Variants in DIPK2A observed in about 807,000 individuals in gnomAD.
DIPK2A encodes divergent protein kinase domain 2A.
In DIPK2A, 27 loss-of-function variants were observed where a neutral mutation model predicts 39.0. The observed-to-expected ratio is 0.69, with a 90% CI of 0.51 to 0.96. The LOEUF (loss-of-function observed/expected upper bound fraction) is 0.96, where lower values mean the gene tolerates loss of function less well. DIPK2A is among the 40% of genes least tolerant of loss of function. The pLI, the probability that DIPK2A is intolerant of heterozygous loss-of-function variation, is 0.00. For synonymous variants in DIPK2A, 298 were observed against 240.8 expected (o/e 1.24, Z -2.20); for missense variants, 528 against 571.3 (o/e 0.92, Z 0.77).
Position 143,991,322 on chromosome 3 carries a change from A to C in DIPK2A, c.*1481A>C, listed in dbSNP as rs530651142. ...TTCAGCAACTATTTATTAAGCATCA[A>C]CTCTGTGCCAGGCACGTTACTAGCT... On this transcript the variant is annotated 3_prime_UTR_variant, in exon 3 of 3. Transcript: ENST00000315691. The C allele has an allele frequency of 6.6e-6, 1 of 152,656 alleles. No individual in the cohort carries two copies. The highest frequency in any genetic ancestry group is 2.1e-4 in the South Asian group (1 of 4,822). The allele number at this position is 152,656 out of a possible 1,614,324, so 9.5% of individuals were successfully genotyped here.
In DIPK2A at chr3:143,989,957, C is replaced by CT; in HGVS notation, c.*118dup. The CT allele has an allele frequency of 1.4e-6, 1 of 721,318 alleles. No homozygotes were observed. Among genetic ancestry groups the CT allele is most frequent in the Non-Finnish European group, 2.3e-6 (1 of 437,918 alleles). 44.7% of individuals were successfully genotyped at this position (721,318 alleles called of 1,614,324 possible). A position where few individuals can be genotyped will look rare whatever the true frequency, so the allele number is the denominator to read the frequency against. On this transcript the variant is annotated 3_prime_UTR_variant, in exon 3 of 3. Coordinates refer to ENST00000315691, the MANE Select transcript of DIPK2A (RefSeq NM_173552.5). ...AGTGTTACATTCAGAGGATGATAAA[C>CT]TTGCACTGATAGATCTTAATGTTAA...
At position 143,992,173 on chromosome 3, in the gene DIPK2A, C is replaced by A. The variant is rs2087996958; in HGVS notation, c.*2332C>A. 6.6e-6 allele frequency: 1 copy of A among 152,590 alleles called. No homozygotes were observed. The highest frequency in any genetic ancestry group is 1.9e-4 in the East Asian group (1 of 5,200). The allele number at this position is 152,590 out of a possible 1,614,324, so 9.5% of individuals were successfully genotyped here. On this transcript the variant is annotated 3_prime_UTR_variant, in exon 3 of 3. Transcript: ENST00000315691. ...TATGGCAGCAATTTATATTTTTAAT[C>A]ATTGCCCATTAATAGACGCAGTAAA...
At chr3:143,973,050 G>C (rs1345182466) in intron 1 of DIPK2A, 61 bp downstream of exon 1, 15 of 1,512,656 alleles carry the variant, frequency 9.9e-6, no homozygotes, top group Non-Finnish European at 1.3e-5. Context: ...AATCAGAGTC[G>C]GGAGAAGTGG....
chr3:143,976,715 T>C (rs2087735606), intron 1 of DIPK2A, among the ~76,000 whole-genome samples: 1 of 152,068 alleles, frequency 6.6e-6, no homozygotes, highest in Non-Finnish European at 1.5e-5. Flanking sequence ...GGAATGTTAC[T>C]ATTTGTGGAA....
intron 2 of DIPK2A, among the ~76,000 whole-genome samples, chr3:143,987,987 C>T (rs950652008): frequency 1.3e-5 from 2 of 152,298 alleles, no homozygotes; most frequent in African/African-American, 4.8e-5. Context: ...CATTAACTTA[C>T]TACTCCTTTG....
At chr3:143,982,912 A>C (rs889876232) in intron 1 of DIPK2A, among the ~76,000 whole-genome samples, 6 of 152,076 alleles carry the variant, frequency 3.9e-5, no homozygotes, top group Non-Finnish European at 8.8e-5. Context: ...AAAAAACACA[A>C]AAAAAACAAA....
intron 2 of DIPK2A, 136 bp downstream of exon 2, chr3:143,985,982 C>A: frequency 1.5e-6 from 1 of 653,184 alleles, no homozygotes; most frequent in Non-Finnish European, 2.6e-6. Context: ...TATATGACCA[C>A]TGTCAATAAA....
chr3:143,980,063 C>A (rs1200964511), intron 1 of DIPK2A, among the ~76,000 whole-genome samples: 1 of 152,080 alleles, frequency 6.6e-6, no homozygotes, highest in African/African-American at 2.4e-5. Context: ...AATTCAGTAA[C>A]CATTAAATCA....
chr3:143,973,245 C>T (rs1255754598), intron 1 of DIPK2A: 6 of 1,175,138 alleles, frequency 5.1e-6, no homozygotes, highest in South Asian at 2.6e-5. Context: ...GATCTTTCAA[C>T]GCCAGAGGGA....
rs1486597636 is a variant in DIPK2A at position 143,971,831 on chromosome 3, G to C, written c.-502G>C. On this transcript the variant is annotated 5_prime_UTR_variant, in exon 1 of 3. Coordinates refer to ENST00000315691, the MANE Select transcript of DIPK2A (RefSeq NM_173552.5). ...CAGGAGAGCCAGCGCGCACAAGCAAGGGTGTGCGGCTCTGAGACGTGCGTT... is the reference window on the plus strand; with the variant it reads ...CAGGAGAGCCAGCGCGCACAAGCAACGGTGTGCGGCTCTGAGACGTGCGTT... The C allele has an allele frequency of 6.5e-6, 1 of 152,868 alleles. No individual in the cohort carries two copies. The highest frequency in any genetic ancestry group is 1.5e-5 in the Non-Finnish European group (1 of 68,548). The allele number at this position is 152,868 out of a possible 1,614,324, so 9.5% of individuals were successfully genotyped here. A position where few individuals can be genotyped will look rare whatever the true frequency, so the allele number is the denominator to read the frequency against.
At chr3:143,973,281 T>G in intron 1 of DIPK2A, 1 of 1,446,630 alleles carries the variant, frequency 6.9e-7, no homozygotes, top group African/African-American at 1.4e-5. Flanking sequence ...CTCCCCAAAA[T>G]GTCTCTACTG....
chr3:143,973,218 T>G, intron 1 of DIPK2A: 1 of 1,073,712 alleles, frequency 9.3e-7, no homozygotes, highest in Non-Finnish European at 1.4e-6. Flanking sequence ...TTCGGGCGCA[T>G]TTCGGATTTG....
At chr3:143,980,745 A>G (rs552672756) in intron 1 of DIPK2A, among the ~76,000 whole-genome samples, 2 of 152,116 alleles carry the variant, frequency 1.3e-5, no homozygotes, top group African/African-American at 4.8e-5. Flanking sequence ...AGAACTTTCA[A>G]GTTTAACAAA....
In DIPK2A at chr3:143,972,739, A is replaced by T; in HGVS notation, c.407A>T (p.Asp136Val). The change falls in exon 1 of 3, where the codon GAC becomes GTC. Residue 136 changes from aspartate to valine, a missense_variant. Asp to Val is a radical substitution (Grantham distance 152). Around this residue, in one of 2 missense-constraint regions of DIPK2A, gnomAD observed 309 missense variants for 289.8 expected, o/e 1.07. Coordinates refer to ENST00000315691, the MANE Select transcript of DIPK2A (RefSeq NM_173552.5). Reference protein sequence around the residue: ...CKRATGRPRCDLLQAMPRTEF... With the variant: ...CKRATGRPRCVLLQAMPRTEF... ...CGGGCCACCGGCCGGCCCCGCTGCGACCTGCTGCAGGCCATGCCCCGGACC... is the reference window on the plus strand; with the variant it reads ...CGGGCCACCGGCCGGCCCCGCTGCGTCCTGCTGCAGGCCATGCCCCGGACC... The T allele has an allele frequency of 6.3e-7, 1 of 1,584,706 alleles. No individual in the cohort carries two copies.
chr3:143,981,282 A>G (rs1453586422), intron 1 of DIPK2A, among the ~76,000 whole-genome samples: 1 of 152,226 alleles, frequency 6.6e-6, no homozygotes, highest in Non-Finnish European at 1.5e-5. Flanking sequence ...TTTGCATGGC[A>G]TACATATAGA....
rs2087959102 is a variant in DIPK2A, at chr3:143,990,046, T to G, written c.*205T>G. 2 of 556,670 alleles carry G rather than the reference T, an allele frequency of 3.6e-6. No individual in the cohort carries two copies. The highest frequency in any genetic ancestry group is 6.4e-6 in the Non-Finnish European group (2 of 314,656). 34.5% of individuals were successfully genotyped at this position (556,670 alleles called of 1,614,324 possible). A position where few individuals can be genotyped will look rare whatever the true frequency, so the allele number is the denominator to read the frequency against. On this transcript the variant is annotated 3_prime_UTR_variant, in exon 3 of 3. Transcript: ENST00000315691. ...ATGCTTCTGCAAATAAGTATGTTCT[T>G]ATACTTTGGAGGCTTGAGCTGTCAT...
intron 1 of DIPK2A, among the ~76,000 whole-genome samples, chr3:143,977,700 A>G (rs780666578): frequency 9.2e-5 from 14 of 152,086 alleles, no homozygotes; most frequent in Non-Finnish European, 1.5e-4. Context: ...GCAGTTTTTA[A>G]TCTAATAAAT....
chr3:143,984,467 A>G (rs1313710618), intron 1 of DIPK2A, among the ~76,000 whole-genome samples: 2 of 151,588 alleles, frequency 1.3e-5, no homozygotes, highest in African/African-American at 4.8e-5. Context: ...GCTTAATTTC[A>G]GTATTGTTGT....
chr3:143,984,701 A>G (rs1308596961), intron 1 of DIPK2A, among the ~76,000 whole-genome samples: 1 of 151,784 alleles, frequency 6.6e-6, no homozygotes, highest in African/African-American at 2.4e-5. Flanking sequence ...TTTTTGATTT[A>G]GGATGATAAT....
Sources: gnomAD v4.1 joint callset for allele counts (sites outside exome capture counted in the v4.1 genomes callset) on GRCh38, gnomAD v4.1.1 for gene constraint, gnomAD v4.1.1 regional missense constraint, MANE v1.5 for transcripts, NCBI Gene and HGNC (gene_info 2026-07-23, HGNC 2026-07-21) for gene names.